The following RASA1 variants were observed in gnomAD, a reference collection of about 807,000 sequenced individuals.
RASA1 encodes RAS p21 protein activator 1.
RASA1 carries 25 observed loss-of-function variants against 132.2 expected under a neutral mutation model. The ratio of observed to expected loss-of-function variants is 0.19; its 90% confidence interval spans 0.14 to 0.26. The LOEUF (loss-of-function observed/expected upper bound fraction) is 0.26, where lower values mean the gene tolerates loss of function less well. Ranked by LOEUF, RASA1 falls within the 10% of genes least tolerant of loss-of-function variation. The pLI, the probability that RASA1 is intolerant of heterozygous loss-of-function variation, is 1.00. For missense variants in RASA1, 964 were observed against 1,299.2 expected, an observed-to-expected ratio of 0.74 and a Z score of 3.97; for synonymous variants, 477 against 449.9, an observed-to-expected ratio of 1.06 and a Z score of -0.76.
At chr5:87,328,469 CTA>C (rs1757392508) in intron 1 of RASA1, among the ~76,000 whole-genome samples, 1 of 152,020 alleles carries the variant, frequency 6.6e-6, no homozygotes, top group South Asian at 2.1e-4. Flanking sequence ...ATTGCTGTGA[CTA>C]TTTGTAGAGG....
At chr5:87,296,290 C>A (rs1202414193) in intron 1 of RASA1, among the ~76,000 whole-genome samples, 1 of 152,058 alleles carries the variant, frequency 6.6e-6, no homozygotes, top group African/African-American at 2.4e-5. Context: ...TCTATCTTGT[C>A]ATTCATTTCA....
chr5:87,339,788 G>A (rs145989609), intron 5 of RASA1, among the ~76,000 whole-genome samples: 27 of 152,186 alleles, frequency 1.8e-4, no homozygotes, highest in Middle Eastern at 3.4e-3. Context: ...GTAATTCCAC[G>A]TCATTTATAA....
chr5:87,386,624 T>C (rs1762079914), intron 22 of RASA1, among the ~76,000 whole-genome samples: 1 of 152,088 alleles, frequency 6.6e-6, no homozygotes, highest in African/African-American at 2.4e-5. Context: ...CATTATATGA[T>C]TTAATTAATT....
chr5:87,373,451 G>C (rs1261654734), intron 13 of RASA1, among the ~76,000 whole-genome samples: 1 of 151,970 alleles, frequency 6.6e-6, no homozygotes, highest in Non-Finnish European at 1.5e-5. Context: ...GGAGGGTCTT[G>C]GAATCAGTCC....
At chr5:87,347,490 T>C (rs1240987439) in intron 7 of RASA1, among the ~76,000 whole-genome samples, 1 of 152,054 alleles carries the variant, frequency 6.6e-6, no homozygotes, top group Non-Finnish European at 1.5e-5. Context: ...CTTTAGTATG[T>C]AATTTAAAAG....
chr5:87,275,631 C>T (rs974729056), intron 1 of RASA1, among the ~76,000 whole-genome samples: 4 of 151,770 alleles, frequency 2.6e-5, no homozygotes, highest in African/African-American at 9.7e-5. Flanking sequence ...GGCTGGAGTG[C>T]AGTGGTATGG....
At chr5:87,278,660 C>T (rs552701447) in intron 1 of RASA1, among the ~76,000 whole-genome samples, 135 of 152,252 alleles carry the variant, frequency 8.9e-4, no homozygotes, top group African/African-American at 3.0e-3. Context: ...ACATTGACAT[C>T]GCTGTAATCC....
intron 1 of RASA1, among the ~76,000 whole-genome samples, chr5:87,283,833 T>C (rs1754426569): frequency 6.6e-6 from 1 of 152,080 alleles, no homozygotes; most frequent in Non-Finnish European, 1.5e-5. Context: ...ATGAAGTTCT[T>C]TGAGGAGGAA....
At chr5:87,283,148 G>GTTTTTTTTTTTTTTTTGTT (rs200461511) in intron 1 of RASA1, among the ~76,000 whole-genome samples, 14 of 103,226 alleles carry the variant, frequency 1.4e-4, no homozygotes, top group East Asian at 7.8e-4. Context: ...TTTTTTTTGT[G>GTTTTTTTTTTTTTTTTGTT]TTTTTTTTTT....
chr5:87,389,735 CTCT>C (rs1360967209), intron 24 of RASA1, among the ~76,000 whole-genome samples: 2 of 152,174 alleles, frequency 1.3e-5, no homozygotes, highest in Non-Finnish European at 2.9e-5. Flanking sequence ...TCAGGTTTTG[CTCT>C]TGAGTCTGAA....
chr5:87,372,305 A>G, intron 13 of RASA1, 110 bp downstream of exon 13: 2 of 961,902 alleles, frequency 2.1e-6, no homozygotes, highest in Admixed American at 4.1e-5. Flanking sequence ...GGGTTAAGCC[A>G]TGCTGCCACT....
chr5:87,389,691 G>A (rs1358214170), intron 24 of RASA1, among the ~76,000 whole-genome samples, 164 bp downstream of exon 24: 7 of 152,152 alleles, frequency 4.6e-5, no homozygotes, highest in African/African-American at 1.4e-4. Flanking sequence ...AACGGGCCCC[G>A]ACTAAAATGA....
intron 6 of RASA1, among the ~76,000 whole-genome samples, chr5:87,345,344 T>C (rs2112410938): frequency 6.6e-6 from 1 of 152,312 alleles, no homozygotes; most frequent in Middle Eastern, 3.4e-3. Flanking sequence ...CCTATCACTT[T>C]TTTACCCTTC....
chr5:87,320,101 G>A (rs985023105), intron 1 of RASA1, among the ~76,000 whole-genome samples: 4 of 152,134 alleles, frequency 2.6e-5, no homozygotes, highest in East Asian at 3.9e-4. Context: ...AAGAGTGACC[G>A]TTACTCTGGT....
intron 1 of RASA1, among the ~76,000 whole-genome samples, chr5:87,269,756 G>A (rs1440951309): frequency 1.3e-5 from 2 of 152,072 alleles, no homozygotes; most frequent in Non-Finnish European, 2.9e-5. Flanking sequence ...TAAAAATTAA[G>A]TTTTACAGTC....
intron 22 of RASA1, among the ~76,000 whole-genome samples, chr5:87,386,320 C>T (rs1762059009): frequency 6.6e-6 from 1 of 152,016 alleles, no homozygotes; most frequent in Non-Finnish European, 1.5e-5. Flanking sequence ...GTACGATGAG[C>T]AGTTAACTAC....
chr5:87,364,128 C>G (rs1760326284), intron 11 of RASA1, among the ~76,000 whole-genome samples: 1 of 152,040 alleles, frequency 6.6e-6, no homozygotes, highest in African/African-American at 2.4e-5. Context: ...TTTAGATGTA[C>G]TTACCATTTT....
chr5:87,344,633 A>T (rs566261040), intron 6 of RASA1, among the ~76,000 whole-genome samples: 1 of 151,466 alleles, frequency 6.6e-6, no homozygotes. Context: ...CCTCCCGAGT[A>T]GCTGAGACTA....
intron 20 of RASA1, among the ~76,000 whole-genome samples, chr5:87,383,016 C>T (rs1761829887): frequency 6.6e-6 from 1 of 151,990 alleles, no homozygotes; most frequent in African/African-American, 2.4e-5. Flanking sequence ...TGTTTGATCC[C>T]AGGGGTTCAA....
Sources: gnomAD v4.1 joint callset for allele counts (sites outside exome capture counted in the v4.1 genomes callset) on GRCh38, gnomAD v4.1.1 for gene constraint, MANE v1.5 for transcripts, NCBI Gene and HGNC (gene_info 2026-07-23, HGNC 2026-07-21) for gene names.